The following PTAFR variants were observed in gnomAD, a reference collection of about 807,000 sequenced individuals.
The protein encoded by PTAFR is platelet-activating factor receptor.
In PTAFR, 8 loss-of-function variants were observed where a neutral mutation model predicts 14.7. The ratio of observed to expected loss-of-function variants is 0.54; its 90% CI spans 0.32 to 0.98. PTAFR has a LOEUF of 0.98. Ranked by LOEUF, PTAFR falls within the 50% of genes least tolerant of loss-of-function variation. The probability of loss-of-function intolerance (pLI) is 0.04; values close to 1 mark genes in which losing one functional copy is unlikely to be tolerated. For synonymous variants in PTAFR, 156 were observed against 176.5 expected (o/e 0.88, Z 0.92); for missense variants, 337 against 451.2 (o/e 0.75, Z 2.29).
chr1:28,190,879 C>T (rs191996696), intron 1 of PTAFR, among the ~76,000 whole-genome samples: 1 of 152,314 alleles, frequency 6.6e-6, no homozygotes. Context: ...AATCTCACCT[C>T]TGCCACTTCA....
intron 1 of PTAFR, among the ~76,000 whole-genome samples, chr1:28,163,313 T>C (rs1646346148): frequency 6.6e-6 from 1 of 152,228 alleles, no homozygotes; most frequent in African/African-American, 2.4e-5. Flanking sequence ...TTTCTGTGGC[T>C]GTTTCCTTGT....
upstream of PTAFR, among the ~76,000 whole-genome samples, chr1:28,178,867 CATGTCCTG>C (rs1476686875): frequency 6.6e-6 from 1 of 152,092 alleles, no homozygotes; most frequent in African/African-American, 2.4e-5. Context: ...TCCCAATCCC[CATGTCCTG>C]CCAGGGACAC....
chr1:28,168,398 A>C (rs796448006), intron 1 of PTAFR, among the ~76,000 whole-genome samples: 16 of 152,326 alleles, frequency 1.1e-4, no homozygotes, highest in African/African-American at 3.8e-4. Flanking sequence ...TGGTATATAC[A>C]TACAATGGAA....
chr1:28,152,375 G>A (rs1212863697), intron 1 of PTAFR, among the ~76,000 whole-genome samples: 1 of 152,134 alleles, frequency 6.6e-6, no homozygotes, highest in Non-Finnish European at 1.5e-5. Flanking sequence ...GCCAAGGTGG[G>A]CGGATCGCCT....
In PTAFR at chr1:28,167,633, A is replaced by ATTTTTTTTTTT. The variant is rs780344665; in HGVS notation, c.-39+8948_-39+8958dup. Among the ~76,000 whole-genome samples, 52 of 80,248 alleles carry ATTTTTTTTTTT rather than the reference A, an allele frequency of 6.5e-4. 6 individuals are homozygous for ATTTTTTTTTTT. Among genetic ancestry groups the ATTTTTTTTTTT allele is most frequent in the African/African-American group, 2.1e-3 (38 of 18,046 alleles). 52.6% of individuals were successfully genotyped at this position (80,248 alleles called of 152,430 possible). ...TATATTCAAAAGAACTGAAAACGGG[A>ATTTTTTTTTTT]TTTTTTTTTTTTTTTTTTTTTTTTT... On this transcript the variant is annotated intron_variant, in intron 1 of 1. Coordinates refer to ENST00000373857, the MANE Select transcript of PTAFR (RefSeq NM_000952.5).
At chr1:28,169,267 T>C (rs1052643018) in intron 1 of PTAFR, among the ~76,000 whole-genome samples, 9 of 148,172 alleles carry the variant, frequency 6.1e-5, no homozygotes, top group African/African-American at 2.3e-4. Context: ...GCTAAGAGAG[T>C]AAATTTATGT....
rs1389539707 is a variant in PTAFR, at chr1:28,148,387, G to A, written c.*1606C>T. On this transcript the variant is annotated 3_prime_UTR_variant, in exon 2 of 2. Coordinates refer to ENST00000373857, the MANE Select transcript of PTAFR (RefSeq NM_000952.5). ...AGAACTGACAGACCCTTCTACCCAG[G>A]GGCCTCATGTACTTCCCAGCCCATG... 2.6e-5 allele frequency: 4 copies of A among 152,234 alleles called. No individual in the cohort carries two copies. The highest frequency in any genetic ancestry group is 9.6e-5 in the African/African-American group (4 of 41,462). 9.4% of individuals were successfully genotyped at this position (152,234 alleles called of 1,614,324 possible). A position where few individuals can be genotyped will look rare whatever the true frequency, so the allele number is the denominator to read the frequency against.
intron 1 of PTAFR, among the ~76,000 whole-genome samples, chr1:28,172,724 C>T (rs934250293): frequency 1.9e-4 from 29 of 152,258 alleles, no homozygotes; most frequent in Admixed American, 1.5e-3. Context: ...CGGGGTTAGC[C>T]GGAGAGAAAG....
rs1054235274 is a variant in PTAFR, at chr1:28,175,554, T to C, written c.-39+1038A>G. ...GTGTGGGGAGAGAGCCTGCTGGTTC[T>C]GTCATATTTCACAAGTGAGTGAGTG... On this transcript the variant is annotated intron_variant, in intron 1 of 1. Transcript: ENST00000373857. Among the ~76,000 whole-genome samples the C allele has an allele frequency of 5.9e-5, 9 of 152,046 alleles. No homozygotes were observed. In the East Asian group the frequency reaches 1.7e-3, roughly 30 times the overall value.
At chr1:28,173,659 A>C (rs986268720) in intron 1 of PTAFR, among the ~76,000 whole-genome samples, 1 of 149,654 alleles carries the variant, frequency 6.7e-6, no homozygotes, top group African/African-American at 2.5e-5. Context: ...TCAAAAGAAA[A>C]AAAAAAAGAG....
chr1:28,169,084 T>A (rs1646424457), intron 1 of PTAFR, among the ~76,000 whole-genome samples: 1 of 152,194 alleles, frequency 6.6e-6, no homozygotes, highest in Non-Finnish European at 1.5e-5. Flanking sequence ...GACTGAACTA[T>A]ACACTTTAAA....
At chr1:28,183,124 T>C (rs80298610) in intron 1 of PTAFR, among the ~76,000 whole-genome samples, 3,834 of 152,316 alleles carry the variant, frequency 0.025, 80 homozygotes, top group Middle Eastern at 0.065. Context: ...CCCAATGTTA[T>C]GTAGTGGATA....
Position 28,149,728 on chromosome 1 carries a change from C to G in PTAFR, c.*265G>C. ...CTGGCCCTGACATTCCTTCCGGCCCCATAAGATTAAGGGACTCAGGATAAA... is the reference window on the plus strand; with the variant it reads ...CTGGCCCTGACATTCCTTCCGGCCCGATAAGATTAAGGGACTCAGGATAAA... On this transcript the variant is annotated 3_prime_UTR_variant, in exon 2 of 2. Coordinates refer to ENST00000373857, the MANE Select transcript of PTAFR (RefSeq NM_000952.5). 1 of 434,852 alleles carries G rather than the reference C, an allele frequency of 2.3e-6. No homozygotes were observed. The highest frequency in any genetic ancestry group is 4.1e-6 in the Non-Finnish European group (1 of 243,668). 26.9% of individuals were successfully genotyped at this position (434,852 alleles called of 1,614,324 possible).
chr1:28,154,811 C>CAAAAA (rs35917959), intron 1 of PTAFR, among the ~76,000 whole-genome samples: 2 of 37,296 alleles, frequency 5.4e-5, no homozygotes, highest in Non-Finnish European at 9.2e-5. Context: ...GACTCTGTCT[C>CAAAAA]AAAAAAAAAA....
intron 1 of PTAFR, among the ~76,000 whole-genome samples, chr1:28,173,465 CAAAACA>C (rs377112636): frequency 3.0e-3 from 448 of 151,822 alleles, no homozygotes; most frequent in South Asian, 0.01. Context: ...ACAAACAAAA[CAAAACA>C]AAAACAAAAA....
intron 1 of PTAFR, among the ~76,000 whole-genome samples, chr1:28,155,069 C>T (rs1400175941): frequency 6.6e-6 from 1 of 152,158 alleles, no homozygotes; most frequent in Non-Finnish European, 1.5e-5. Context: ...CTCGTGCCAC[C>T]TTAGCATCAG....
At chr1:28,169,417 C>T (rs1452808848) in intron 1 of PTAFR, among the ~76,000 whole-genome samples, 1 of 152,132 alleles carries the variant, frequency 6.6e-6, no homozygotes, top group Non-Finnish European at 1.5e-5. Context: ...TTTGGTAAAA[C>T]TGCTTGCCGC....
chr1:28,183,396 G>T (rs1476279409), intron 1 of PTAFR, among the ~76,000 whole-genome samples: 1 of 152,140 alleles, frequency 6.6e-6, no homozygotes, highest in African/African-American at 2.4e-5. Context: ...GTAATTAAAA[G>T]AATAAATTAA....
Position 28,163,026 on chromosome 1 carries a change from G to A in PTAFR, c.-38-11967C>T, listed in dbSNP as rs537246885. 1.6e-4 allele frequency among the ~76,000 whole-genome samples: 24 copies of A among 151,854 alleles called. No homozygotes were observed. In the South Asian group the frequency reaches 4.1e-3, roughly 26 times the overall value. On this transcript the variant is annotated intron_variant, in intron 1 of 1. Transcript: ENST00000373857. ...CCCATCTTATTTTCCACCATTCCCCGCTACTCATTTTCTACTCTTGCTGCA... is the reference window on the plus strand; with the variant it reads ...CCCATCTTATTTTCCACCATTCCCCACTACTCATTTTCTACTCTTGCTGCA...
Sources: gnomAD v4.1 joint callset for allele counts (sites outside exome capture counted in the v4.1 genomes callset) on GRCh38, gnomAD v4.1.1 for gene constraint, MANE v1.5 for transcripts, NCBI Gene and HGNC (gene_info 2026-07-23, HGNC 2026-07-21) for gene names.